Variants in AFF3 observed in about 807,000 individuals in gnomAD.
AFF3 encodes the protein AF4/FMR2 family member 3.
In AFF3, 32 loss-of-function variants were observed where a neutral mutation model predicts 129.7. The ratio of observed to expected loss-of-function variants is 0.25; its 90% CI spans 0.19 to 0.33. The LOEUF (loss-of-function observed/expected upper bound fraction) is 0.33. Among genes scored for constraint, AFF3 ranks in the 10% least tolerant of loss-of-function variants. AFF3 has a pLI of 1.00. For synonymous variants in AFF3, 644 were observed against 635.4 expected (o/e 1.01, Z -0.20); for missense variants, 1,373 against 1,592.0 (o/e 0.86, Z 2.34).
rs367637019 is a variant in AFF3 at position 99,804,861 on chromosome 2, T to C, written c.921+32616A>G. Among the ~76,000 whole-genome samples the C allele has an allele frequency of 3.9e-5, 6 of 152,270 alleles. No individual in the cohort carries two copies. In the East Asian group the frequency reaches 1.2e-3, roughly 29 times the overall value. ...AAACCAAGTACCCTATATTCTCATT[T>C]AGAAGTGGAGGTAAGCTATGGATAT... On this transcript the variant is annotated intron_variant, in intron 8 of 24. Coordinates refer to ENST00000672756, the MANE Select transcript of AFF3 (RefSeq NM_001386135.1).
intron 4 of AFF3, among the ~76,000 whole-genome samples, chr2:100,064,044 G>A (rs187153725): frequency 1.3e-5 from 2 of 151,558 alleles, no homozygotes; most frequent in East Asian, 1.9e-4. Context: ...AGCCGAGATC[G>A]TGCCACTGCA....
chr2:99,958,290 C>T (rs1233276822), intron 7 of AFF3, among the ~76,000 whole-genome samples: 9 of 151,952 alleles, frequency 5.9e-5, no homozygotes, highest in Non-Finnish European at 1.5e-5. Flanking sequence ...GTCGGGAGTT[C>T]GAGACTAGCC....
chr2:99,816,753 TG>T (rs1251381079), intron 8 of AFF3, among the ~76,000 whole-genome samples: 4 of 152,088 alleles, frequency 2.6e-5, no homozygotes, highest in Non-Finnish European at 4.4e-5. Context: ...AGAGTCTTGG[TG>T]GTGTGTCCTT....
At chr2:99,603,753 A>G (rs1680066216) in intron 13 of AFF3, among the ~76,000 whole-genome samples, 1 of 152,240 alleles carries the variant, frequency 6.6e-6, no homozygotes, top group Non-Finnish European at 1.5e-5. Context: ...TCTAATATCC[A>G]GTGTTTATAA....
In AFF3 at chr2:99,913,871, A is replaced by G. The variant is rs1275126387; in HGVS notation, c.874-76347T>C. Among the ~76,000 whole-genome samples, 6 of 152,232 alleles carry G rather than the reference A, an allele frequency of 3.9e-5. No individual in the cohort carries two copies. The East Asian group carries it at 1.2e-3, about 29-fold the overall frequency. ...TCATAACCTACTGAATAAAATAAAA[A>G]TCCATGAGTTCATACTGATTAAATA... On this transcript the variant is annotated intron_variant, in intron 7 of 24. Transcript: ENST00000672756.
intron 7 of AFF3, among the ~76,000 whole-genome samples, chr2:99,955,409 T>C (rs560759279): frequency 6.6e-6 from 1 of 152,312 alleles, no homozygotes; most frequent in South Asian, 2.1e-4. Context: ...GAACTCAAGA[T>C]GTTTTGAGTG....
intron 8 of AFF3, among the ~76,000 whole-genome samples, chr2:99,780,407 AC>A (rs1451193732): frequency 2.0e-5 from 3 of 152,056 alleles, no homozygotes; most frequent in African/African-American, 7.2e-5. Flanking sequence ...GATCCTTCTC[AC>A]CTTCCTGATT....
intron 22 of AFF3, among the ~76,000 whole-genome samples, chr2:99,555,625 C>T (rs1031562042): frequency 6.6e-6 from 1 of 151,974 alleles, no homozygotes; most frequent in Admixed American, 6.5e-5. Context: ...AGAACCCAAT[C>T]ATGCCTTCAT....
At chr2:99,849,827 G>A (rs757621786) in intron 7 of AFF3, among the ~76,000 whole-genome samples, 2 of 152,164 alleles carry the variant, frequency 1.3e-5, no homozygotes, top group Non-Finnish European at 1.5e-5. Context: ...AGGAAATGAT[G>A]GATTGGTTGC....
intron 8 of AFF3, among the ~76,000 whole-genome samples, chr2:99,787,703 G>A (rs1029745134): frequency 2.6e-5 from 4 of 152,132 alleles, no homozygotes; most frequent in Non-Finnish European, 5.9e-5. Flanking sequence ...GGATGAAGAC[G>A]GTTTTGGCTG....
chr2:99,730,972 G>A (rs1679777855), intron 10 of AFF3, among the ~76,000 whole-genome samples: 1 of 152,036 alleles, frequency 6.6e-6, no homozygotes, highest in African/African-American at 2.4e-5. Flanking sequence ...TTCTTTGCTT[G>A]AGATGGAGTC....
rs574697420 is a variant in AFF3, at chr2:99,905,601, C to T, written c.874-68077G>A. On this transcript the variant is annotated intron_variant, in intron 7 of 24. Coordinates refer to ENST00000672756, the MANE Select transcript of AFF3 (RefSeq NM_001386135.1). ...TTATTCCTAGCTTCCTGCATTTCTG[C>T]GTATTGGCACAAATATAAGGCTTTT... Among the ~76,000 whole-genome samples the T allele has an allele frequency of 1.3e-4, 20 of 152,246 alleles. No homozygotes were observed. In the South Asian group the frequency reaches 2.5e-3, roughly 19 times the overall value.
intron 11 of AFF3, among the ~76,000 whole-genome samples, chr2:99,717,422 T>C (rs1372063376): frequency 1.3e-5 from 2 of 152,180 alleles, no homozygotes; most frequent in African/African-American, 4.8e-5. Flanking sequence ...GCCATTCTAG[T>C]GGGTGTATAC....
chr2:99,770,400 AG>A (rs1683379931), intron 8 of AFF3, among the ~76,000 whole-genome samples: 1 of 152,180 alleles, frequency 6.6e-6, no homozygotes, highest in Admixed American at 6.5e-5. Context: ...CCTCTGGCCC[AG>A]GGAAGGCCCA....
intron 7 of AFF3, among the ~76,000 whole-genome samples, chr2:99,961,981 C>T (rs1266120438): frequency 1.3e-5 from 2 of 152,176 alleles, no homozygotes; most frequent in Middle Eastern, 6.3e-3. Flanking sequence ...ACTCAGACCA[C>T]CATGCAAGGG....
intron 13 of AFF3, among the ~76,000 whole-genome samples, chr2:99,606,792 T>C (rs1435621427): frequency 6.6e-6 from 1 of 151,630 alleles, no homozygotes; most frequent in Non-Finnish European, 1.5e-5. Context: ...CAGGCACCTG[T>C]AGTCCCAGCT....
chr2:99,684,849 A>T (rs1674889635), intron 11 of AFF3, among the ~76,000 whole-genome samples: 1 of 152,050 alleles, frequency 6.6e-6, no homozygotes, highest in African/African-American at 2.4e-5. Flanking sequence ...AGAATTTTTC[A>T]TTATAAAATG....
Position 99,717,826 on chromosome 2 carries a change from T to C in AFF3, c.1091+9251A>G, listed in dbSNP as rs111299861. ...CTTCTGTTTTCCTCTAGAAACTTTGTTGTTTTAGCGTTTATATTGAGATCT... is the reference window on the plus strand; with the variant it reads ...CTTCTGTTTTCCTCTAGAAACTTTGCTGTTTTAGCGTTTATATTGAGATCT... On this transcript the variant is annotated intron_variant, in intron 11 of 24. Coordinates refer to ENST00000672756, the MANE Select transcript of AFF3 (RefSeq NM_001386135.1). Among the ~76,000 whole-genome samples the C allele has an allele frequency of 3.7e-4, 56 of 152,328 alleles. 1 individual carries two copies. Among genetic ancestry groups the C allele is most frequent in the African/African-American group, 1.3e-3 (54 of 41,576 alleles).
chr2:99,848,384 C>T (rs1026505676), intron 7 of AFF3, among the ~76,000 whole-genome samples: 2 of 152,164 alleles, frequency 1.3e-5, no homozygotes, highest in Non-Finnish European at 2.9e-5. Flanking sequence ...TTCAATGCCA[C>T]CTAACACTGT....
Sources: allele counts gnomAD v4.1 joint callset (sites outside exome capture counted in the v4.1 genomes callset), GRCh38; gene constraint gnomAD v4.1.1; transcripts MANE v1.5; gene names NCBI Gene and HGNC (gene_info 2026-07-23, HGNC 2026-07-21).